PTPRK: variants seen among roughly 807,000 people sequenced by gnomAD.
PTPRK encodes the protein receptor-type tyrosine-protein phosphatase kappa.
PTPRK carries 75 observed loss-of-function variants against 178.0 expected under a neutral mutation model. The observed-to-expected ratio is 0.42, with a 90% CI of 0.35 to 0.51. The LOEUF is 0.51. Ranked by LOEUF, PTPRK falls within the 20% of genes least tolerant of loss-of-function variation. The pLI, the probability that PTPRK is intolerant of heterozygous loss-of-function variation, is 0.02. For synonymous variants in PTPRK, 637 were observed against 620.6 expected (o/e 1.03, Z -0.39); for missense variants, 1,441 against 1,797.8 (o/e 0.80, Z 3.59).
intron 1 of PTPRK, among the ~76,000 whole-genome samples, chr6:128,480,047 T>C (rs1851863217): frequency 6.6e-6 from 1 of 152,108 alleles, no homozygotes; most frequent in African/African-American, 2.4e-5. Context: ...CTTCCAGACA[T>C]GTTGGCTCTG....
intron 1 of PTPRK, among the ~76,000 whole-genome samples, chr6:128,432,549 T>C (rs1486648125): frequency 6.6e-6 from 1 of 152,216 alleles, no homozygotes; most frequent in Non-Finnish European, 1.5e-5. Flanking sequence ...AGCTCTGATG[T>C]GAATCATACA....
intron 7 of PTPRK, among the ~76,000 whole-genome samples, chr6:128,104,100 G>A (rs1048527148): frequency 1.3e-5 from 2 of 152,120 alleles, no homozygotes; most frequent in African/African-American, 4.8e-5. Context: ...CCTCCTGTAA[G>A]GCTTTATTCA....
chr6:128,486,759 T>C (rs1442418599), intron 1 of PTPRK, among the ~76,000 whole-genome samples: 3 of 146,390 alleles, frequency 2.0e-5, no homozygotes, highest in Admixed American at 6.9e-5. Flanking sequence ...GCCTGGGTGA[T>C]AGAGGCAGAT....
chr6:128,208,355 A>C (rs921755274), intron 6 of PTPRK, among the ~76,000 whole-genome samples: 38 of 152,094 alleles, frequency 2.5e-4, no homozygotes, highest in African/African-American at 8.9e-4. Flanking sequence ...ATGTAGGAAA[A>C]AGGTCCAGGA....
chr6:128,169,298 T>A (rs1799864012), intron 7 of PTPRK, among the ~76,000 whole-genome samples: 1 of 152,048 alleles, frequency 6.6e-6, no homozygotes, highest in South Asian at 2.1e-4. Context: ...TCTACATGTA[T>A]GTCAAAACAC....
At chr6:128,220,644 C>G (rs571895093) in intron 5 of PTPRK, among the ~76,000 whole-genome samples, 1 of 152,278 alleles carries the variant, frequency 6.6e-6, no homozygotes, top group African/African-American at 2.4e-5. Flanking sequence ...AATTCTACTT[C>G]TAGGTTTCCA....
At chr6:128,160,791 CAAAT>C (rs1182065350) in intron 7 of PTPRK, among the ~76,000 whole-genome samples, 2 of 151,200 alleles carry the variant, frequency 1.3e-5, no homozygotes, top group African/African-American at 2.4e-5. Context: ...TTTATATTGA[CAAAT>C]AAAAACATTA....
At chr6:128,191,818 T>G (rs1255592442) in intron 6 of PTPRK, among the ~76,000 whole-genome samples, 1 of 152,122 alleles carries the variant, frequency 6.6e-6, no homozygotes, top group East Asian at 1.9e-4. Flanking sequence ...AAATAATAAA[T>G]TTACCACGTA....
intron 1 of PTPRK, among the ~76,000 whole-genome samples, chr6:128,478,879 T>A (rs1289250377): frequency 1.3e-5 from 2 of 152,156 alleles, no homozygotes; most frequent in East Asian, 3.9e-4. Context: ...TAGTACTTCC[T>A]CTTCCTGGAC....
Position 128,184,610 on chromosome 6 carries a change from T to A in PTPRK, c.984A>T (p.Val328=). ...IGDGPIILKE[V]EYRMTSGSWT... ...AGGATCCTGATGTCATTCGGTACTC[T>A]ACTTCTTTCAGGATGATAGGACCAT... Residue 328 remains valine (V), a synonymous_variant, in exon 7 of 30, where the codon GTA becomes GTT. Transcript: ENST00000368226. 1 of 1,614,068 alleles carries A rather than the reference T, an allele frequency of 6.2e-7. No individual in the cohort carries two copies. Among genetic ancestry groups the A allele is most frequent in the Non-Finnish European group, 8.5e-7 (1 of 1,179,948 alleles).
intron 1 of PTPRK, among the ~76,000 whole-genome samples, chr6:128,502,358 A>G (rs921829957): frequency 6.6e-6 from 1 of 152,236 alleles, no homozygotes; most frequent in Non-Finnish European, 1.5e-5. Context: ...TAAGCTCCAC[A>G]GTGGATGCAC....
chr6:128,442,188 G>C (rs1891149), intron 1 of PTPRK, among the ~76,000 whole-genome samples: 1 of 152,060 alleles, frequency 6.6e-6, no homozygotes, highest in South Asian at 2.1e-4. Context: ...TTCTGGAATG[G>C]AGTAAAGCAG....
chr6:128,370,983 TAGA>T (rs1405457737), intron 2 of PTPRK, among the ~76,000 whole-genome samples: 1 of 152,196 alleles, frequency 6.6e-6, no homozygotes, highest in East Asian at 1.9e-4. Context: ...CTTGAATTCT[TAGA>T]AGATTTCATT....
chr6:128,338,770 G>T (rs1210824609), intron 2 of PTPRK, among the ~76,000 whole-genome samples: 1 of 152,130 alleles, frequency 6.6e-6, no homozygotes, highest in African/African-American at 2.4e-5. Flanking sequence ...GTCACCTGTT[G>T]ATGTCCTAGT....
intron 1 of PTPRK, among the ~76,000 whole-genome samples, chr6:128,450,299 T>C (rs1847622023): frequency 6.6e-6 from 1 of 152,196 alleles, no homozygotes; most frequent in African/African-American, 2.4e-5. Flanking sequence ...TGAAGCATTA[T>C]TGTACTCAAT....
intron 2 of PTPRK, among the ~76,000 whole-genome samples, chr6:128,361,649 C>T (rs1057061768): frequency 1.4e-4 from 21 of 152,056 alleles, no homozygotes; most frequent in African/African-American, 4.8e-4. Context: ...ACCTGTACAG[C>T]ATGGTGCTGT....
At chr6:128,143,330 T>C (rs1270086250) in intron 7 of PTPRK, among the ~76,000 whole-genome samples, 1 of 152,132 alleles carries the variant, frequency 6.6e-6, no homozygotes, top group Admixed American at 6.6e-5. Flanking sequence ...ATACATTCAC[T>C]TAAGAAAAAC....
chr6:128,022,633 C>G (rs533024391), intron 13 of PTPRK, among the ~76,000 whole-genome samples: 2 of 152,260 alleles, frequency 1.3e-5, no homozygotes, highest in East Asian at 3.9e-4. Context: ...TTGAAGGGAT[C>G]GCTGAGGCAC....
intron 5 of PTPRK, among the ~76,000 whole-genome samples, chr6:128,225,886 G>A (rs1168696698): frequency 2.0e-5 from 3 of 152,180 alleles, no homozygotes; most frequent in African/African-American, 7.2e-5. Flanking sequence ...GAGAGAGAAA[G>A]AGGTGGTGAA....
Sources: gnomAD v4.1 joint callset for allele counts (sites outside exome capture counted in the v4.1 genomes callset) on GRCh38, gnomAD v4.1.1 for gene constraint, MANE v1.5 for transcripts, NCBI Gene and HGNC (gene_info 2026-07-23, HGNC 2026-07-21) for gene names.